The following PGCKA1 variants were observed in gnomAD, a reference collection of about 807,000 sequenced individuals.
PGCKA1 encodes the protein PDCD10 and GCKIII kinases associated 1, also known as PDCD10 and GCKIII kinases-associated protein 1.
the PGCKA1 span, among the ~76,000 whole-genome samples, chr4:37,486,756 C>G: frequency 6.6e-6 from 1 of 152,150 alleles, no homozygotes; most frequent in South Asian, 2.1e-4. Flanking sequence ...TTTCCTTCTT[C>G]TTGCTTCAGC....
At chr4:37,459,765 A>G in the PGCKA1 span, among the ~76,000 whole-genome samples, 1 of 150,956 alleles carries the variant, frequency 6.6e-6, no homozygotes, top group Non-Finnish European at 1.5e-5. Context: ...GACTTGTATT[A>G]AGATAGGTGA....
chr4:37,588,877 A>G, the PGCKA1 span: 2 of 1,613,298 alleles, frequency 1.2e-6, no homozygotes, highest in African/African-American at 2.7e-5. Context: ...GATGGGGTGC[A>G]GGTGCTGTAA....
chr4:37,487,941 G>GT, the PGCKA1 span, among the ~76,000 whole-genome samples: 2 of 152,052 alleles, frequency 1.3e-5, no homozygotes, highest in Non-Finnish European at 2.9e-5. Flanking sequence ...ACACCACAGT[G>GT]TTTTTTACTA....
the PGCKA1 span, among the ~76,000 whole-genome samples, chr4:37,571,407 G>A: frequency 7.5e-6 from 1 of 133,620 alleles, no homozygotes; most frequent in African/African-American, 2.9e-5. Context: ...CTATCATCCA[G>A]GCTGGAGTGC....
the PGCKA1 span, among the ~76,000 whole-genome samples, chr4:37,459,744 C>T: frequency 1.3e-5 from 2 of 150,260 alleles, no homozygotes; most frequent in African/African-American, 4.9e-5. Context: ...CTAAAGGGAG[C>T]TTGGAGAAAT....
At chr4:37,591,052 T>G in the PGCKA1 span, 13 of 1,487,098 alleles carry the variant, frequency 8.7e-6, no homozygotes, top group Non-Finnish European at 1.1e-5. Flanking sequence ...AGCATGCAGA[T>G]GCATTTGCTC....
At chr4:37,555,070 C>CCT in the PGCKA1 span, among the ~76,000 whole-genome samples, 1 of 152,116 alleles carries the variant, frequency 6.6e-6, no homozygotes, top group African/African-American at 2.4e-5. Context: ...TAAATGCTAC[C>CCT]CTCTCAGAGG....
the PGCKA1 span, among the ~76,000 whole-genome samples, chr4:37,545,178 A>G: frequency 0.024 from 3,704 of 152,132 alleles, 172 homozygotes; most frequent in African/African-American, 0.084. Flanking sequence ...TTTAATCTCT[A>G]TCTTTATGGT....
the PGCKA1 span, among the ~76,000 whole-genome samples, chr4:37,539,180 G>C: frequency 6.6e-6 from 1 of 152,152 alleles, no homozygotes; most frequent in African/African-American, 2.4e-5. Context: ...TAAGGCCCTT[G>C]GTTTTCAGTT....
At chr4:37,585,106 CA>C in the PGCKA1 span, among the ~76,000 whole-genome samples, 2 of 111,584 alleles carry the variant, frequency 1.8e-5, no homozygotes, top group Admixed American at 2.1e-4. Flanking sequence ...GTATTGCAGG[CA>C]TGAAAAGGGT....
the PGCKA1 span, among the ~76,000 whole-genome samples, chr4:37,501,461 C>A: frequency 6.6e-6 from 1 of 152,074 alleles, no homozygotes; most frequent in African/African-American, 2.4e-5. Context: ...GGAACAGTTT[C>A]ATCCCAAAAC....
At chr4:37,512,647 G>T in the PGCKA1 span, among the ~76,000 whole-genome samples, 1 of 151,676 alleles carries the variant, frequency 6.6e-6, no homozygotes, top group African/African-American at 2.4e-5. Context: ...GTAGAGACGG[G>T]GTTTCTCCAT....
the PGCKA1 span, among the ~76,000 whole-genome samples, chr4:37,474,801 C>T: frequency 1.3e-5 from 2 of 152,174 alleles, no homozygotes; most frequent in East Asian, 3.9e-4. Context: ...TTCAGTGTTC[C>T]CACCTCTCCT....
the PGCKA1 span, among the ~76,000 whole-genome samples, chr4:37,520,445 T>G: frequency 6.6e-6 from 1 of 152,152 alleles, no homozygotes; most frequent in Non-Finnish European, 1.5e-5. Context: ...CTTGTTATTG[T>G]TCTGTTCAGG....
At chr4:37,532,136 A>T in the PGCKA1 span, among the ~76,000 whole-genome samples, 1 of 152,184 alleles carries the variant, frequency 6.6e-6, no homozygotes, top group Non-Finnish European at 1.5e-5. Context: ...AAATATGATA[A>T]ATCAATGCTT....
chr4:37,592,627 CTTTAG>C, the PGCKA1 span, among the ~76,000 whole-genome samples: 1 of 152,168 alleles, frequency 6.6e-6, no homozygotes, highest in Admixed American at 6.5e-5. Context: ...ATGGAAGATG[CTTTAG>C]TTTGGTGTTT....
At chr4:37,517,308 AATAT>A in the PGCKA1 span, among the ~76,000 whole-genome samples, 27 of 145,982 alleles carry the variant, frequency 1.8e-4, no homozygotes, top group East Asian at 1.6e-3. Context: ...AATATATATA[AATAT>A]ATATATAGAG....
the PGCKA1 span, among the ~76,000 whole-genome samples, chr4:37,464,450 T>A: frequency 6.6e-6 from 1 of 152,204 alleles, no homozygotes; most frequent in Non-Finnish European, 1.5e-5. Flanking sequence ...AACTACTTCC[T>A]CTAATGTGTG....
the PGCKA1 span, among the ~76,000 whole-genome samples, chr4:37,500,744 G>A: frequency 1.3e-5 from 2 of 152,226 alleles, no homozygotes; most frequent in African/African-American, 4.8e-5. Context: ...GTATTATTGT[G>A]TGGGAATCTA....
Sources: gnomAD v4.1 joint callset for allele counts (sites outside exome capture counted in the v4.1 genomes callset) on GRCh38, gnomAD v4.1.1 for gene constraint, MANE v1.5 for transcripts, NCBI Gene and HGNC (gene_info 2026-07-23, HGNC 2026-07-21) for gene names.